The following MED13L variants were observed in gnomAD, a reference collection of about 807,000 sequenced individuals.
MED13L encodes mediator complex subunit 13L, also known as mediator of RNA polymerase II transcription subunit 13-like.
Under a neutral mutation model 220.9 loss-of-function variants are expected in MED13L, and 7 were observed. The observed-to-expected ratio is 0.03, with a 90% CI of 0.02 to 0.06. The LOEUF (loss-of-function observed/expected upper bound fraction) is 0.06. MED13L is among the 10% of genes least tolerant of loss of function. The pLI, the probability that MED13L is intolerant of heterozygous loss-of-function variation, is 1.00. For missense variants in MED13L, 1,965 were observed against 2,760.5 expected, an observed-to-expected ratio of 0.71 and a Z score of 6.46; for synonymous variants, 1,011 against 1,015.2, an observed-to-expected ratio of 1.00 and a Z score of 0.08.
intron 1 of MED13L, among the ~76,000 whole-genome samples, chr12:116,260,425 C>G (rs1843757595): frequency 6.6e-6 from 1 of 152,060 alleles, no homozygotes; most frequent in African/African-American, 2.4e-5. Context: ...CACTCCTGAA[C>G]ACGAGGAACC....
chr12:116,246,766 G>A, intron 1 of MED13L, among the ~76,000 whole-genome samples: 1 of 113,360 alleles, frequency 8.8e-6, no homozygotes, highest in East Asian at 2.8e-4. Flanking sequence ...GGCTGGGGAG[G>A]GAGGTGGGGA....
intron 2 of MED13L, among the ~76,000 whole-genome samples, chr12:116,166,850 G>A (rs1879320332): frequency 6.6e-6 from 1 of 152,060 alleles, no homozygotes; most frequent in Non-Finnish European, 1.5e-5. Flanking sequence ...TAAGTACAGA[G>A]AAGGATTTTA....
In MED13L at chr12:115,980,615, C is replaced by T. The variant is rs115811296; in HGVS notation, c.5364+135G>A. The T allele has an allele frequency of 2.3e-3, 2,185 of 954,458 alleles. 34 individuals carry two copies. The African/African-American group carries it at 0.032, about 14-fold the overall frequency. 59.1% of individuals were successfully genotyped at this position (954,458 alleles called of 1,614,324 possible). ...CTAAGACTACAGGTGTGAGCCAACA[C>T]ATCCAGCCTAGCAACTCTTATATCA... On this transcript the variant is annotated intron_variant, in intron 23 of 30. Coordinates refer to ENST00000281928, the MANE Select transcript of MED13L (RefSeq NM_015335.5).
rs61748071 is a variant in MED13L at position 116,008,550 on chromosome 12, A to G, written c.1863T>C (p.Ile621=). The part of the protein sequence containing the change: ...EVSETALYCG[I]RPSNPESSEK... ...CTGATGACTCCGGGTTCGAGGGCCT[A>G]ATCCCACAATATAAGGCTGTCTCGC... is the stretch of plus-strand genomic sequence containing the variant. Residue 621 remains isoleucine (I), a synonymous_variant, in exon 10 of 31, where the codon ATT becomes ATC. Coordinates refer to ENST00000281928, the MANE Select transcript of MED13L (RefSeq NM_015335.5). The G allele has an allele frequency of 5.2e-3, 8,393 of 1,614,006 alleles. 26 individuals carry two copies. Among genetic ancestry groups the G allele is most frequent in the Non-Finnish European group, 5.8e-3 (6,884 of 1,179,976 alleles).
chr12:116,111,093 T>C (rs1415976824), intron 3 of MED13L, among the ~76,000 whole-genome samples: 3 of 152,192 alleles, frequency 2.0e-5, no homozygotes, highest in Non-Finnish European at 2.9e-5. Context: ...ACTGTGCTAA[T>C]ATACCTTTGT....
chr12:116,019,309 C>T lies in MED13L; in HGVS notation c.924G>A (p.Gly308=), dbSNP rs1033491691. The T allele has an allele frequency of 6.2e-7, 1 of 1,614,004 alleles. No homozygotes were observed. The highest frequency in any genetic ancestry group is 2.2e-5 in the East Asian group (1 of 44,862). ...CCTTCACACTACCAAGCCCTTGCTGCCCAACTGCAATGTGGCCTCCAGCAC... is the reference window on the plus strand; with the variant it reads ...CCTTCACACTACCAAGCCCTTGCTGTCCAACTGCAATGTGGCCTCCAGCAC... ...VASAGGHIAV[G]QQGLGSVKDP... Residue 308 remains glycine (G), a synonymous_variant, in exon 7 of 31, where the codon GGG becomes GGA. Coordinates refer to ENST00000281928, the MANE Select transcript of MED13L (RefSeq NM_015335.5).
chr12:116,100,698 G>T (rs1384229154), intron 3 of MED13L, among the ~76,000 whole-genome samples: 1 of 151,882 alleles, frequency 6.6e-6, no homozygotes, highest in Non-Finnish European at 1.5e-5. Context: ...ACAGCTTGAG[G>T]CCAGGAGTTT....
At chr12:116,018,049 A>T (rs1227547215) in intron 7 of MED13L, among the ~76,000 whole-genome samples, 1 of 152,086 alleles carries the variant, frequency 6.6e-6, no homozygotes, top group Non-Finnish European at 1.5e-5. Context: ...AATGTGTGCT[A>T]AACTTCGAGT....
chr12:116,245,671 C>A (rs1045727457), intron 1 of MED13L, among the ~76,000 whole-genome samples: 1 of 151,834 alleles, frequency 6.6e-6, no homozygotes. Flanking sequence ...ATAATGATTC[C>A]AGAAATGATA....
intron 2 of MED13L, among the ~76,000 whole-genome samples, chr12:116,124,343 T>C (rs1875395128): frequency 6.6e-6 from 1 of 152,182 alleles, no homozygotes; most frequent in African/African-American, 2.4e-5. Context: ...AGAAATTCAT[T>C]CTATAAATCC....
chr12:116,083,582 T>C (rs1871384493), intron 4 of MED13L, among the ~76,000 whole-genome samples: 1 of 152,070 alleles, frequency 6.6e-6, no homozygotes, highest in Non-Finnish European at 1.5e-5. Context: ...GAAACTTCTG[T>C]CATTTATTTT....
At chr12:116,210,551 CTATATATATATATATATATA>C (rs3043762) in intron 2 of MED13L, among the ~76,000 whole-genome samples, 21 of 113,638 alleles carry the variant, frequency 1.8e-4, no homozygotes, top group African/African-American at 6.7e-4. Context: ...AGAACGTAAC[CTATATATATATATATATATA>C]TATATATATA....
At chr12:116,035,806 G>A (rs889051332) in intron 4 of MED13L, among the ~76,000 whole-genome samples, 7 of 152,016 alleles carry the variant, frequency 4.6e-5, no homozygotes, top group Admixed American at 4.6e-4. Context: ...GCCCAGGATC[G>A]TCTCGAAGGA....
rs759391526 is a variant in MED13L at position 115,963,363 on chromosome 12, ATT to A, written c.6500+42_6500+43del. 9 of 1,414,148 alleles carry A rather than the reference ATT, an allele frequency of 6.4e-6. No homozygotes were observed. The African/African-American group carries it at 1.3e-4, about 20-fold the overall frequency. The allele number at this position is 1,414,148 out of a possible 1,614,324, so 87.6% of individuals were successfully genotyped here. A position where few individuals can be genotyped will look rare whatever the true frequency, so the allele number is the denominator to read the frequency against. ...CTTGGAAAGACAACAGTAAAGGAAT[ATT>A]GTTTCAAATTGCACTGCTATGATGC... On this transcript the variant is annotated intron_variant, in intron 30 of 30. Coordinates refer to ENST00000281928, the MANE Select transcript of MED13L (RefSeq NM_015335.5).
At chr12:116,231,531 G>C (rs918846529) in intron 2 of MED13L, among the ~76,000 whole-genome samples, 2 of 152,144 alleles carry the variant, frequency 1.3e-5, no homozygotes, top group Non-Finnish European at 2.9e-5. Flanking sequence ...TTCTAAATGA[G>C]AGGACACAAG....
chr12:115,994,602 G>A (rs899765196), intron 16 of MED13L, among the ~76,000 whole-genome samples: 1 of 152,146 alleles, frequency 6.6e-6, no homozygotes, highest in African/African-American at 2.4e-5. Context: ...TGATTTAAAC[G>A]ATTACACAGC....
intron 2 of MED13L, among the ~76,000 whole-genome samples, chr12:116,223,642 T>G (rs768413368): frequency 2.4e-4 from 36 of 151,962 alleles, no homozygotes; most frequent in Non-Finnish European, 4.4e-4. Context: ...AGGTGGAGGT[T>G]GCGGTGAGCA....
At chr12:116,113,173 A>C (rs1874224660) in intron 2 of MED13L, among the ~76,000 whole-genome samples, 1 of 152,182 alleles carries the variant, frequency 6.6e-6, no homozygotes, top group Admixed American at 6.5e-5. Flanking sequence ...TCTTCAACCC[A>C]GTCACTGGTG....
intron 2 of MED13L, among the ~76,000 whole-genome samples, chr12:116,192,470 G>A (rs1478380005): frequency 1.3e-5 from 2 of 152,112 alleles, no homozygotes; most frequent in African/African-American, 4.8e-5. Context: ...TTTAATGAGA[G>A]AAATAAAATC....
Sources: gnomAD v4.1 joint callset for allele counts (sites outside exome capture counted in the v4.1 genomes callset) on GRCh38, gnomAD v4.1.1 for gene constraint, MANE v1.5 for transcripts, NCBI Gene and HGNC (gene_info 2026-07-23, HGNC 2026-07-21) for gene names.